ARHGAP39: variants seen among roughly 807,000 people sequenced by gnomAD.
The protein encoded by ARHGAP39 is rho GTPase-activating protein 39.
ARHGAP39 carries 44 observed loss-of-function variants against 106.9 expected under a neutral mutation model. The observed-to-expected ratio is 0.41, with a 90% CI of 0.32 to 0.53. ARHGAP39 has a LOEUF of 0.53. Among genes scored for constraint, ARHGAP39 ranks in the 20% least tolerant of loss-of-function variants. ARHGAP39 has a pLI of 0.21. For missense variants in ARHGAP39, 1,496 were observed against 1,577.3 expected (o/e 0.95, Z 0.87); for synonymous variants, 768 against 693.2 (o/e 1.11, Z -1.69).
At chr8:144,546,850 CAG>C (rs1817445825) in intron 5 of ARHGAP39, among the ~76,000 whole-genome samples, 1 of 152,192 alleles carries the variant, frequency 6.6e-6, no homozygotes, top group Admixed American at 6.5e-5. Flanking sequence ...TGTCTGGAGT[CAG>C]GGTGTGGCCT....
chr8:144,583,422 G>C (rs1353402943), intron 2 of ARHGAP39, among the ~76,000 whole-genome samples: 2 of 152,290 alleles, frequency 1.3e-5, no homozygotes, highest in Non-Finnish European at 2.9e-5. Flanking sequence ...ACAACTGCTC[G>C]GCACGTGGAG....
chr8:144,622,653 A>G (rs1820835344), intron 1 of ARHGAP39, among the ~76,000 whole-genome samples: 1 of 152,250 alleles, frequency 6.6e-6, no homozygotes, highest in Non-Finnish European at 1.5e-5. Flanking sequence ...CTTTGACCAG[A>G]CCTTTAATGA....
At chr8:144,698,650 C>T in the ARHGAP39 span, 27 of 274,222 alleles carry the variant, frequency 9.8e-5, no homozygotes, top group South Asian at 6.9e-4. Context: ...TACTTTGGCT[C>T]AGCTTTAGTA....
Position 144,594,908 on chromosome 8 carries a change from G to C in ARHGAP39, c.80+10627C>G, listed in dbSNP as rs911075316. Among the ~76,000 whole-genome samples the C allele has an allele frequency of 1.7e-4, 26 of 152,192 alleles. 1 individual carries two copies. Among genetic ancestry groups the C allele is most frequent in the Admixed American group, 1.6e-3 (24 of 15,288 alleles). ...TGAAAAAGAAAGTTAAACAGGCTGGGTGTGGTGGCTGTAATCTCGGCACTT... is the reference window on the plus strand; with the variant it reads ...TGAAAAAGAAAGTTAAACAGGCTGGCTGTGGTGGCTGTAATCTCGGCACTT... On this transcript the variant is annotated intron_variant, in intron 2 of 11. Coordinates refer to ENST00000377307, the MANE Select transcript of ARHGAP39 (RefSeq NM_025251.3).
At chr8:144,650,128 G>A (rs1455713736) in intron 1 of ARHGAP39, among the ~76,000 whole-genome samples, 1 of 151,728 alleles carries the variant, frequency 6.6e-6, no homozygotes, top group Non-Finnish European at 1.5e-5. Flanking sequence ...GGGCAATAGA[G>A]CAAGACTCTG....
At position 144,641,069 on chromosome 8, in the gene ARHGAP39, A is replaced by G. The variant is rs185374506; in HGVS notation, c.-81-35374T>C. On this transcript the variant is annotated intron_variant, in intron 1 of 11. Transcript: ENST00000377307. The surrounding 1 kb of genome is among the most constrained non-coding windows in gnomAD (Gnocchi z 5.2). ...ACTCAACTAGATATTTTTATTTCTCATCTGCCTGGGCCCATCCCAGCACCA... is the reference window on the plus strand; with the variant it reads ...ACTCAACTAGATATTTTTATTTCTCGTCTGCCTGGGCCCATCCCAGCACCA... Among the ~76,000 whole-genome samples the G allele has an allele frequency of 2.7e-3, 406 of 152,182 alleles. 4 individuals carry two copies. The highest frequency in any genetic ancestry group is 9.2e-3 in the African/African-American group (384 of 41,516).
intron 1 of ARHGAP39, among the ~76,000 whole-genome samples, chr8:144,617,585 CAAAAA>C (rs869298361): frequency 1.5e-5 from 1 of 68,598 alleles, no homozygotes; most frequent in Non-Finnish European, 3.2e-5. Context: ...ACTGAAAAGA[CAAAAA>C]AAAAAAAAAA....
At chr8:144,660,973 A>G (rs1383706390) in intron 1 of ARHGAP39, among the ~76,000 whole-genome samples, 1 of 151,996 alleles carries the variant, frequency 6.6e-6, no homozygotes, top group African/African-American at 2.4e-5. Flanking sequence ...TGACAGAATG[A>G]GACTCCATCT....
intron 3 of ARHGAP39, among the ~76,000 whole-genome samples, chr8:144,573,305 A>G (rs1054529426): frequency 6.6e-6 from 1 of 152,220 alleles, no homozygotes; most frequent in Non-Finnish European, 1.5e-5. Context: ...TGTCCTTTGC[A>G]GGGACATGGA....
chr8:144,588,953 G>A (rs979782568), intron 2 of ARHGAP39, among the ~76,000 whole-genome samples: 2 of 152,272 alleles, frequency 1.3e-5, no homozygotes, highest in Admixed American at 6.5e-5. Flanking sequence ...AATGCCAGAA[G>A]AGGGTAAGTC....
intron 1 of ARHGAP39, among the ~76,000 whole-genome samples, chr8:144,672,635 C>CA (rs1206761279): frequency 1.1e-4 from 17 of 152,272 alleles, no homozygotes; most frequent in African/African-American, 3.9e-4. Context: ...TGCGCCTAGA[C>CA]CAGCCTGCAA....
upstream of ARHGAP39, among the ~76,000 whole-genome samples, chr8:144,685,997 G>C (rs1443546871): frequency 6.6e-6 from 1 of 151,468 alleles, no homozygotes; most frequent in Non-Finnish European, 1.5e-5. Context: ...GGAGTCCCGC[G>C]GAGGGCGCGC....
intron 2 of ARHGAP39, among the ~76,000 whole-genome samples, chr8:144,600,211 GT>G (rs1210507843): frequency 1.0e-4 from 15 of 149,368 alleles, no homozygotes; most frequent in African/African-American, 3.4e-4. Flanking sequence ...GTGCGTGTGT[GT>G]GGGGGGCATG....
At chr8:144,607,151 C>T (rs1820322412) in intron 1 of ARHGAP39, among the ~76,000 whole-genome samples, 1 of 148,234 alleles carries the variant, frequency 6.7e-6, no homozygotes, top group Admixed American at 6.8e-5. Context: ...TGGAGCGTGG[C>T]TATGGTCCCA....
intron 3 of ARHGAP39, among the ~76,000 whole-genome samples, chr8:144,560,378 T>C (rs1418428967): frequency 2.0e-5 from 3 of 151,510 alleles, no homozygotes; most frequent in Admixed American, 6.5e-5. Context: ...GAGGTTGCAG[T>C]GAGCTGGGAT....
At chr8:144,530,912 G>A in intron 10 of ARHGAP39, 41 bp from the exon 11 acceptor site, 1 of 1,576,744 alleles carries the variant, frequency 6.3e-7, no homozygotes, top group Non-Finnish European at 8.6e-7. Flanking sequence ...TGCTCGGCGG[G>A]CACCCCTGGG....
In ARHGAP39 at chr8:144,530,311, G is replaced by A. The variant is rs377151963; in HGVS notation, c.*111C>T. On this transcript the variant is annotated 3_prime_UTR_variant, in exon 12 of 12. Transcript: ENST00000377307. ...GGGCCAGGGGCCTGGGGGAGTGGAG[G>A]GGGCTCCAGGGCTGGGCCGGGCGAT... 1.3e-3 allele frequency: 1,562 copies of A among 1,216,436 alleles called. 16 individuals are homozygous for A. Among genetic ancestry groups the A allele is most frequent in the African/African-American group, 6.7e-3 (445 of 66,290 alleles). The allele number at this position is 1,216,436 out of a possible 1,614,324, so 75.4% of individuals were successfully genotyped here.
chr8:144,607,132 C>T (rs371779473), intron 1 of ARHGAP39, among the ~76,000 whole-genome samples: 9 of 150,308 alleles, frequency 6.0e-5, no homozygotes, highest in African/African-American at 7.4e-5. Context: ...GGAAATCAGC[C>T]GAGTGTGGTG....
chr8:144,595,004 C>T (rs1292483902), intron 2 of ARHGAP39, among the ~76,000 whole-genome samples: 6 of 151,788 alleles, frequency 4.0e-5, no homozygotes, highest in Non-Finnish European at 8.8e-5. Context: ...ATTGCACCTT[C>T]GCACTCCAGC....
Sources: allele counts gnomAD v4.1 joint callset (sites outside exome capture counted in the v4.1 genomes callset), GRCh38; gene constraint gnomAD v4.1.1; non-coding constraint Gnocchi (gnomAD v3.1); transcripts MANE v1.5; gene names NCBI Gene and HGNC (gene_info 2026-07-23, HGNC 2026-07-21).